GRM4: variants seen among roughly 807,000 people sequenced by gnomAD.
GRM4 encodes metabotropic glutamate receptor 4.
Under a neutral mutation model 81.7 loss-of-function variants are expected in GRM4, and 28 were observed. The observed-to-expected ratio is 0.34, with a 90% CI of 0.25 to 0.47. The LOEUF (loss-of-function observed/expected upper bound fraction) is 0.47. GRM4 is among the 20% of genes least tolerant of loss of function. The pLI, the probability that GRM4 is intolerant of heterozygous loss-of-function variation, is 1.00. For synonymous variants in GRM4, 488 were observed against 528.8 expected, an observed-to-expected ratio of 0.92 and a Z score of 1.06; for missense variants, 948 against 1,290.0, an observed-to-expected ratio of 0.73 and a Z score of 4.06.
chr6:34,104,573 C>CT (rs1178815864), intron 2 of GRM4, among the ~76,000 whole-genome samples: 3 of 152,172 alleles, frequency 2.0e-5, no homozygotes, highest in Non-Finnish European at 4.4e-5. Flanking sequence ...GAACCCAGGT[C>CT]TGTCTGGCCC....
In GRM4 at chr6:34,056,447, G is replaced by A. The variant is rs577086772; in HGVS notation, c.1168+97C>T. On this transcript the variant is annotated intron_variant, in intron 6 of 10. Coordinates refer to ENST00000538487, the MANE Select transcript of GRM4 (RefSeq NM_000841.4). ...GCACGTCCTGCCACGGCCGGCCGACGACAGACAAAGGGAGACTCTCGGCCT... is the reference window on the plus strand; with the variant it reads ...GCACGTCCTGCCACGGCCGGCCGACAACAGACAAAGGGAGACTCTCGGCCT... The A allele has an allele frequency of 2.6e-6, 3 of 1,144,334 alleles. No individual in the cohort carries two copies. In the East Asian group the frequency reaches 7.9e-5, roughly 30 times the overall value. The allele number at this position is 1,144,334 out of a possible 1,614,324, so 70.9% of individuals were successfully genotyped here.
chr6:34,055,110 A>G (rs1338708021), intron 6 of GRM4: 1 of 152,206 alleles, frequency 6.6e-6, no homozygotes, highest in Non-Finnish European at 1.5e-5. Context: ...TGAGAGTGAA[A>G]TGTCTTTCAC....
rs375096027 is a variant in GRM4 at position 34,091,923 on chromosome 6, C to G, written c.696G>C (p.Glu232Asp). Residue 232 changes from glutamate to aspartate, a missense_variant, in exon 3 of 11, where the codon GAG becomes GAC. Glu to Asp is a conservative substitution (Grantham distance 45). Coordinates refer to ENST00000538487, the MANE Select transcript of GRM4 (RefSeq NM_000841.4). ...TCTGGATGAAGGCCTCCACACCGCT[C>G]TCACCATAGCTGCCCTCCGAGGCCA... ...STVASEGSYG[E>D]SGVEAFIQKS... is the part of the protein sequence containing the mutation. The G allele has an allele frequency of 1.2e-5, 19 of 1,614,000 alleles. No individual in the cohort carries two copies. The East Asian group carries it at 3.6e-4, about 30-fold the overall frequency.
chr6:34,026,209 T>A (rs1195375984), intron 10 of GRM4, among the ~76,000 whole-genome samples: 1 of 152,132 alleles, frequency 6.6e-6, no homozygotes, highest in Admixed American at 6.5e-5. Flanking sequence ...GAGTGAAAAA[T>A]GTCCCTGTTC....
chr6:34,130,193 A>C lies in GRM4; in HGVS notation c.519+2785T>G, dbSNP rs1770182089. On this transcript the variant is annotated intron_variant, in intron 2 of 10. Transcript: ENST00000538487. The surrounding 1 kb of genome is among the most constrained non-coding windows in gnomAD (Gnocchi z 4.1). ...TCTCACCCAGCCTCTCATTTCTATC[A>C]GTTTAATTATTGAGGAGGCCTCTTG... 6.6e-6 allele frequency among the ~76,000 whole-genome samples: 1 copy of C among 152,106 alleles called. No homozygotes were observed. The highest frequency in any genetic ancestry group is 2.1e-4 in the South Asian group (1 of 4,822).
At chr6:34,051,288 G>A (rs530340731) in intron 6 of GRM4, among the ~76,000 whole-genome samples, 1 of 152,188 alleles carries the variant, frequency 6.6e-6, no homozygotes, top group African/African-American at 2.4e-5. Flanking sequence ...AATGTGGGTT[G>A]CTCCAAAAAT....
intron 1 of GRM4, among the ~76,000 whole-genome samples, chr6:34,134,914 C>T (rs1008989334): frequency 4.6e-5 from 7 of 152,234 alleles, no homozygotes; most frequent in African/African-American, 1.7e-4. Flanking sequence ...GGGGTTACTT[C>T]CCTCACCCCA....
At position 34,069,959 on chromosome 6, in the gene GRM4, A is replaced by AGCCCAGGACACGTGCGGGGCCT. The variant is rs1297852060; in HGVS notation, c.737-7953_737-7932dup. The stretch of plus-strand genomic sequence containing the variant: ...GGTCTTTCTGCCTGGGGCCTTACAG[A>AGCCCAGGACACGTGCGGGGCCT]GCCCAGGACACGTGCGGGGCCTGCC... On this transcript the variant is annotated intron_variant, in intron 3 of 10. Transcript: ENST00000538487. This position sits in a 1 kb window ranked among gnomAD's most constrained non-coding sequence, Gnocchi z 6.4. Among the ~76,000 whole-genome samples the AGCCCAGGACACGTGCGGGGCCT allele has an allele frequency of 6.6e-5, 10 of 152,226 alleles. No individual in the cohort carries two copies. Among genetic ancestry groups the AGCCCAGGACACGTGCGGGGCCT allele is most frequent in the African/African-American group, 1.4e-4 (6 of 41,542 alleles).
At chr6:34,126,704 C>T (rs1347505199) in intron 2 of GRM4, among the ~76,000 whole-genome samples, 1 of 152,238 alleles carries the variant, frequency 6.6e-6, no homozygotes, top group African/African-American at 2.4e-5. Flanking sequence ...GACTTCAGCT[C>T]CCAAGACCAG....
intron 3 of GRM4, 30 bp from the exon 4 acceptor site, chr6:34,062,058 G>A: frequency 6.3e-7 from 1 of 1,590,644 alleles, no homozygotes; most frequent in Non-Finnish European, 8.6e-7. Context: ...TAGTTGGGGT[G>A]GGCAGGGGAA....
intron 6 of GRM4, 38 bp from the exon 7 acceptor site, chr6:34,040,786 C>T (rs1349909448): frequency 1.3e-6 from 2 of 1,534,092 alleles, no homozygotes; most frequent in Non-Finnish European, 9.0e-7. Flanking sequence ...ACTCGTGAGG[C>T]CCACTGTCCT....
chr6:34,083,349 A>C (rs1767707924), intron 3 of GRM4, among the ~76,000 whole-genome samples: 1 of 152,146 alleles, frequency 6.6e-6, no homozygotes, highest in Admixed American at 6.5e-5. Context: ...CGCACCAAAC[A>C]AGCGCGTGGT....
Position 34,092,134 on chromosome 6 carries a change from T to A in GRM4, c.520-35A>T. The stretch of plus-strand genomic sequence containing the variant: ...GAGAGGGGCTGCTGAGGGTGGCGAC[T>A]GGCTCCCCACCCTGCCTAGCCAGCC... On this transcript the variant is annotated intron_variant, in intron 2 of 10. Transcript: ENST00000538487. The surrounding 1 kb of genome is among the most constrained non-coding windows in gnomAD (Gnocchi z 6.8). The A allele has an allele frequency of 7.0e-7, 1 of 1,434,184 alleles. No homozygotes were observed. Among genetic ancestry groups the A allele is most frequent in the Non-Finnish European group, 9.7e-7 (1 of 1,029,988 alleles). The allele number at this position is 1,434,184 out of a possible 1,614,324, so 88.8% of individuals were successfully genotyped here. A position where few individuals can be genotyped will look rare whatever the true frequency, so the allele number is the denominator to read the frequency against.
intron 2 of GRM4, among the ~76,000 whole-genome samples, chr6:34,128,509 C>T (rs1212795055): frequency 6.6e-6 from 1 of 151,738 alleles, no homozygotes; most frequent in Non-Finnish European, 1.5e-5. Flanking sequence ...TCCCAAGTAG[C>T]TGGGATTACA....
chr6:34,141,179 G>A lies in GRM4; in HGVS notation c.-364+4821C>T, dbSNP rs562639363. On this transcript the variant is annotated intron_variant, in intron 1 of 10. Transcript: ENST00000538487. ...ACAGAGGGGTGGCTGGGAGAGCCAA[G>A]TGTGAAGGACTGGGTGGAACCCAGA... Among the ~76,000 whole-genome samples, 8 of 152,372 alleles carry A rather than the reference G, an allele frequency of 5.3e-5. No homozygotes were observed. In the East Asian group the frequency reaches 1.5e-3, roughly 29 times the overall value.
At chr6:34,103,124 T>C (rs1207989564) in intron 2 of GRM4, among the ~76,000 whole-genome samples, 1 of 152,186 alleles carries the variant, frequency 6.6e-6, no homozygotes, top group African/African-American at 2.4e-5. Flanking sequence ...AGCTGCCCCA[T>C]GCCACCTCTG....
At chr6:34,128,942 A>C (rs59090975) in intron 2 of GRM4, among the ~76,000 whole-genome samples, 9,184 of 152,208 alleles carry the variant, frequency 0.06, 577 homozygotes, top group African/African-American at 0.16. Context: ...ACAGGTACAG[A>C]ATTTGGAAAC....
chr6:34,100,160 G>A (rs982937207), intron 2 of GRM4: 8 of 480,840 alleles, frequency 1.7e-5, no homozygotes, highest in Admixed American at 6.4e-5. Context: ...ATCAGCCTGC[G>A]AGGGCCCACC....
At position 34,059,401 on chromosome 6, in the gene GRM4, T is replaced by C. The variant is rs1766071282; in HGVS notation, c.873-273A>G. On this transcript the variant is annotated intron_variant, in intron 4 of 10. Transcript: ENST00000538487. The surrounding 1 kb of genome is among the most constrained non-coding windows in gnomAD (Gnocchi z 5.7). ...GCGTGATTCTCCAGGCCTACATCTG[T>C]CCCTGCAAAGACCACACCTCTCCCC... The C allele has an allele frequency of 2.0e-6, 1 of 492,342 alleles. No individual in the cohort carries two copies. Among genetic ancestry groups the C allele is most frequent in the African/African-American group, 1.9e-5 (1 of 51,526 alleles). The allele number at this position is 492,342 out of a possible 1,614,324, so 30.5% of individuals were successfully genotyped here.
Sources: allele counts gnomAD v4.1 joint callset (sites outside exome capture counted in the v4.1 genomes callset), GRCh38; gene constraint gnomAD v4.1.1; non-coding constraint Gnocchi (gnomAD v3.1); transcripts MANE v1.5; gene names NCBI Gene and HGNC (gene_info 2026-07-23, HGNC 2026-07-21).